KCNQ5: variants seen among roughly 807,000 people sequenced by gnomAD.
The protein encoded by KCNQ5 is potassium voltage-gated channel subfamily KQT member 5.
A neutral mutation model predicts 98.2 loss-of-function variants in KCNQ5; 30 were observed. The ratio of observed to expected loss-of-function variants is 0.31; its 90% CI spans 0.23 to 0.41. The LOEUF is 0.41. KCNQ5 is among the 10% of genes least tolerant of loss of function. The pLI is 1.00. For synonymous variants in KCNQ5, 458 were observed against 449.4 expected, an observed-to-expected ratio of 1.02 and a Z score of -0.24; for missense variants, 835 against 1,182.5, an observed-to-expected ratio of 0.71 and a Z score of 4.31.
chr6:72,877,547 G>A (rs1053138447), intron 1 of KCNQ5, among the ~76,000 whole-genome samples: 3 of 152,164 alleles, frequency 2.0e-5, no homozygotes, highest in Admixed American at 6.5e-5. Context: ...TATCTTTATA[G>A]TAGAATGTTT....
intron 1 of KCNQ5, among the ~76,000 whole-genome samples, chr6:72,820,365 T>C (rs1348834966): frequency 2.0e-5 from 3 of 152,146 alleles, no homozygotes; most frequent in Non-Finnish European, 2.9e-5. Context: ...GATGACGAAG[T>C]GTGTGCTCCT....
At chr6:73,193,842 T>TC (rs1765689008) in intron 13 of KCNQ5, among the ~76,000 whole-genome samples, 2 of 150,558 alleles carry the variant, frequency 1.3e-5, no homozygotes, top group African/African-American at 4.9e-5. Context: ...AAGTCTTTTT[T>TC]TTTTTTTTTT....
chr6:72,893,965 T>A (rs1252018066), intron 1 of KCNQ5, among the ~76,000 whole-genome samples: 1 of 152,162 alleles, frequency 6.6e-6, no homozygotes, highest in Non-Finnish European at 1.5e-5. Context: ...TAATTAGGTA[T>A]ATAATTGGGT....
chr6:72,872,007 C>A (rs773765939), intron 1 of KCNQ5, among the ~76,000 whole-genome samples: 1 of 152,156 alleles, frequency 6.6e-6, no homozygotes, highest in East Asian at 1.9e-4. Context: ...AAAGAAAGAG[C>A]AGCAAAACAA....
At chr6:72,785,165 A>T (rs1773673859) in intron 1 of KCNQ5, among the ~76,000 whole-genome samples, 1 of 152,170 alleles carries the variant, frequency 6.6e-6, no homozygotes, top group African/African-American at 2.4e-5. Context: ...ACAGAAAAAA[A>T]ATATTTTAGA....
chr6:73,176,206 A>C (rs1278657291), intron 11 of KCNQ5, among the ~76,000 whole-genome samples: 2 of 152,096 alleles, frequency 1.3e-5, no homozygotes, highest in Non-Finnish European at 2.9e-5. Flanking sequence ...TCAGAGGAGG[A>C]GCCTGGTGGG....
At chr6:72,845,911 T>G (rs1345382110) in intron 1 of KCNQ5, among the ~76,000 whole-genome samples, 1 of 152,158 alleles carries the variant, frequency 6.6e-6, no homozygotes, top group Non-Finnish European at 1.5e-5. Context: ...CACCAGGTAA[T>G]GCATGCATTT....
intron 7 of KCNQ5, among the ~76,000 whole-genome samples, chr6:73,114,405 A>G (rs1196068267): frequency 6.6e-6 from 1 of 152,182 alleles, no homozygotes; most frequent in East Asian, 1.9e-4. Context: ...AACTAAATTA[A>G]CCAACATTTC....
chr6:73,067,534 T>A (rs994351434), intron 3 of KCNQ5, among the ~76,000 whole-genome samples: 8 of 152,058 alleles, frequency 5.3e-5, no homozygotes, highest in African/African-American at 1.9e-4. Context: ...AGGCCCAAGG[T>A]CACACAACTA....
At chr6:72,640,322 A>T (rs184463561) in intron 1 of KCNQ5, among the ~76,000 whole-genome samples, 2 of 151,666 alleles carry the variant, frequency 1.3e-5, no homozygotes, top group Non-Finnish European at 2.9e-5. Flanking sequence ...AGCTCCTTAT[A>T]TAATTGCTGG....
At chr6:72,895,436 A>G (rs1779212253) in intron 1 of KCNQ5, among the ~76,000 whole-genome samples, 1 of 151,932 alleles carries the variant, frequency 6.6e-6, no homozygotes, top group Non-Finnish European at 1.5e-5. Context: ...ATTCAAAAAC[A>G]TGCCATGGAG....
chr6:72,908,890 C>A (rs1779808888), intron 1 of KCNQ5, among the ~76,000 whole-genome samples: 1 of 152,054 alleles, frequency 6.6e-6, no homozygotes, highest in African/African-American at 2.4e-5. Context: ...AAGATATCTG[C>A]TAATTTGAAT....
chr6:73,030,680 C>T (rs777021173), intron 2 of KCNQ5, among the ~76,000 whole-genome samples: 1 of 152,114 alleles, frequency 6.6e-6, no homozygotes, highest in Non-Finnish European at 1.5e-5. Context: ...GGTCAAATGA[C>T]CTGAGGAGGC....
intron 1 of KCNQ5, among the ~76,000 whole-genome samples, chr6:72,716,491 A>G (rs1210630361): frequency 6.6e-6 from 1 of 152,262 alleles, no homozygotes; most frequent in Non-Finnish European, 1.5e-5. Flanking sequence ...TACCTAAAGC[A>G]GTGGGTGAAA....
At chr6:72,929,514 G>A (rs150306197) in intron 1 of KCNQ5, among the ~76,000 whole-genome samples, 1 of 152,250 alleles carries the variant, frequency 6.6e-6, no homozygotes, top group East Asian at 1.9e-4. Flanking sequence ...CCAACTTCAT[G>A]TGTTTCATGT....
At chr6:73,008,660 A>G (rs1769924841) in intron 2 of KCNQ5, among the ~76,000 whole-genome samples, 1 of 152,210 alleles carries the variant, frequency 6.6e-6, no homozygotes, top group Non-Finnish European at 1.5e-5. Flanking sequence ...CTACAACAAT[A>G]GTTGTAGACT....
chr6:73,002,938 G>A lies in KCNQ5; in HGVS notation c.399-970G>A, dbSNP rs77707618. ...GACTTTTCAGGGGAAGCAAGGAGGA[G>A]TCAGGGACTAACTTCACCATCATCC... On this transcript the variant is annotated intron_variant, in intron 1 of 13. Transcript: ENST00000370398. 4.1e-3 allele frequency among the ~76,000 whole-genome samples: 621 copies of A among 152,276 alleles called. 2 individuals are homozygous for A. Among genetic ancestry groups the A allele is most frequent in the African/African-American group, 0.014 (588 of 41,550 alleles).
At chr6:72,690,101 C>T (rs925757785) in intron 1 of KCNQ5, among the ~76,000 whole-genome samples, 3 of 151,822 alleles carry the variant, frequency 2.0e-5, no homozygotes, top group Non-Finnish European at 2.9e-5. Context: ...GGTGAAACCC[C>T]GTCTCTACTA....
At chr6:72,645,088 G>A (rs1237866572) in intron 1 of KCNQ5, among the ~76,000 whole-genome samples, 2 of 151,528 alleles carry the variant, frequency 1.3e-5, no homozygotes, top group Non-Finnish European at 2.9e-5. Flanking sequence ...TTACTTAGGG[G>A]TCATGCACAG....
Sources: gnomAD v4.1 joint callset for allele counts (sites outside exome capture counted in the v4.1 genomes callset) on GRCh38, gnomAD v4.1.1 for gene constraint, MANE v1.5 for transcripts, NCBI Gene and HGNC (gene_info 2026-07-23, HGNC 2026-07-21) for gene names.